The following VPS13B variants were observed in gnomAD, a reference collection of about 807,000 sequenced individuals.
The protein encoded by VPS13B is vacuolar protein sorting 13 homolog B.
In VPS13B, 285 loss-of-function variants were observed where a neutral mutation model predicts 426.4. The observed-to-expected ratio is 0.67, with a 90% CI of 0.61 to 0.74. The LOEUF (loss-of-function observed/expected upper bound fraction) is 0.74, where lower values mean the gene tolerates loss of function less well. Ranked by LOEUF, VPS13B falls within the 30% of genes least tolerant of loss-of-function variation. VPS13B has a pLI of 0.00. For missense variants in VPS13B, 4,537 were observed against 4,782.6 expected (o/e 0.95, Z 1.51); for synonymous variants, 1,676 against 1,676.4 (o/e 1.00, Z 0.01).
chr8:99,556,483 T>C lies in VPS13B; in HGVS notation c.4779T>C (p.Pro1593=), dbSNP rs764443970. Residue 1593 remains proline (P), a synonymous_variant, in exon 31 of 62, where the codon CCT becomes CCC. Coordinates refer to ENST00000357162, the MANE Select transcript of VPS13B (RefSeq NM_152564.5). ...RALNLGILRD[P]GSEIEDRQYQ... is the part of the protein sequence containing the mutation. ...TGAACTTAGGAATTCTTCGAGATCC[T>C]GGATCAGAAATCGAAGACAGACAAT... The C allele has an allele frequency of 6.8e-6, 11 of 1,612,990 alleles. No individual in the cohort carries two copies. The highest frequency in any genetic ancestry group is 5.3e-5 in the African/African-American group (4 of 74,868).
intron 16 of VPS13B, among the ~76,000 whole-genome samples, chr8:99,182,167 C>A (rs907569798): frequency 2.6e-5 from 4 of 152,122 alleles, no homozygotes; most frequent in Non-Finnish European, 5.9e-5. Context: ...AAATACCACT[C>A]ATCAATAAAA....
At position 99,466,172 on chromosome 8, in the gene VPS13B, G is replaced by GA. The variant is rs201096301; in HGVS notation, c.3446-1236dup. On this transcript the variant is annotated intron_variant, in intron 23 of 61. Coordinates refer to ENST00000357162, the MANE Select transcript of VPS13B (RefSeq NM_152564.5). ...CTGGGCACATCCATCACCCATAGGG[G>GA]AAAAAATATATATGAAGGAAATATA... Among the ~76,000 whole-genome samples the GA allele has an allele frequency of 6.2e-4, 94 of 152,022 alleles. 2 individuals carry two copies. The East Asian group carries it at 0.015, about 25-fold the overall frequency.
At chr8:99,188,949 T>C (rs1023282614) in intron 16 of VPS13B, among the ~76,000 whole-genome samples, 1 of 152,186 alleles carries the variant, frequency 6.6e-6, no homozygotes, top group African/African-American at 2.4e-5. Flanking sequence ...ATGAGAGTTA[T>C]GAATTATGAG....
At chr8:99,345,949 A>G (rs1811513500) in intron 19 of VPS13B, 1 of 152,350 alleles carries the variant, frequency 6.6e-6, no homozygotes. Context: ...ATCAGATCCA[A>G]TTCTCATGAC....
chr8:99,769,358 T>C (rs1182038754), intron 40 of VPS13B, among the ~76,000 whole-genome samples: 2 of 152,246 alleles, frequency 1.3e-5, no homozygotes, highest in Admixed American at 6.5e-5. Flanking sequence ...AAAACAGTAA[T>C]GATTTGATAA....
At chr8:99,110,294 G>T (rs1847293113) in intron 5 of VPS13B, among the ~76,000 whole-genome samples, 1 of 151,972 alleles carries the variant, frequency 6.6e-6, no homozygotes, top group Non-Finnish European at 1.5e-5. Flanking sequence ...AAGTAGATTT[G>T]GGCCTGATAT....
intron 30 of VPS13B, among the ~76,000 whole-genome samples, chr8:99,524,591 G>A (rs972641563): frequency 5.3e-5 from 8 of 152,122 alleles, no homozygotes; most frequent in East Asian, 1.9e-4. Context: ...CCGGGAGTTC[G>A]AGACCAGCAT....
At chr8:99,354,268 T>G (rs933253219) in intron 19 of VPS13B, among the ~76,000 whole-genome samples, 4 of 77,296 alleles carry the variant, frequency 5.2e-5, no homozygotes, top group African/African-American at 2.9e-4. Context: ...CCCCCTGCCT[T>G]TTTTTTTTTT....
intron 43 of VPS13B, among the ~76,000 whole-genome samples, chr8:99,791,954 GA>G (rs1812561001): frequency 6.6e-6 from 1 of 152,084 alleles, no homozygotes; most frequent in Non-Finnish European, 1.5e-5. Flanking sequence ...AGTGTGAAGA[GA>G]AAACCCTGGA....
chr8:99,165,935 A>C (rs1811977041), intron 15 of VPS13B, among the ~76,000 whole-genome samples: 1 of 152,342 alleles, frequency 6.6e-6, no homozygotes, highest in South Asian at 2.1e-4. Context: ...TCAAAATGTA[A>C]TAATTGAGTA....
chr8:99,624,081 C>A (rs2035617), intron 33 of VPS13B, among the ~76,000 whole-genome samples: 16,458 of 136,216 alleles, frequency 0.12, 1,616 homozygotes, highest in East Asian at 0.4. Context: ...ACTAACTTGC[C>A]TAGATAATTC....
chr8:99,520,389 TTGTGTGTG>T (rs140216567), intron 29 of VPS13B, among the ~76,000 whole-genome samples: 55 of 138,568 alleles, frequency 4.0e-4, no homozygotes, highest in African/African-American at 6.4e-4. Context: ...GTGATATACT[TTGTGTGTG>T]TGTGTGTGTG....
chr8:99,245,185 G>C (rs1817151033), intron 17 of VPS13B, among the ~76,000 whole-genome samples: 3 of 152,190 alleles, frequency 2.0e-5, no homozygotes, highest in Admixed American at 1.3e-4. Flanking sequence ...AATACTGTGT[G>C]ATTTTGAACA....
intron 33 of VPS13B, among the ~76,000 whole-genome samples, chr8:99,614,575 G>A (rs1194079693): frequency 6.6e-6 from 1 of 152,046 alleles, no homozygotes; most frequent in Non-Finnish European, 1.5e-5. Context: ...ACTGCGCCTG[G>A]CCTAAATTAC....
At chr8:99,271,011 T>A (rs1312743059) in intron 17 of VPS13B, among the ~76,000 whole-genome samples, 9 of 152,112 alleles carry the variant, frequency 5.9e-5, no homozygotes, top group African/African-American at 1.7e-4. Flanking sequence ...AATCCTTTTT[T>A]AAATATATAT....
intron 19 of VPS13B, among the ~76,000 whole-genome samples, chr8:99,292,991 C>A (rs1334091558): frequency 6.6e-6 from 1 of 152,048 alleles, no homozygotes; most frequent in Non-Finnish European, 1.5e-5. Context: ...TTTCAGGGAT[C>A]ATTTCTATAG....
chr8:99,483,078 A>G (rs1305348114), intron 25 of VPS13B, among the ~76,000 whole-genome samples: 1 of 152,178 alleles, frequency 6.6e-6, no homozygotes, highest in African/African-American at 2.4e-5. Flanking sequence ...GAATCAAGTA[A>G]ACGGGATGTT....
intron 19 of VPS13B, among the ~76,000 whole-genome samples, chr8:99,373,587 C>T (rs190847050): frequency 1.2e-4 from 18 of 152,292 alleles, no homozygotes; most frequent in African/African-American, 3.1e-4. Context: ...CTGTGGCTCA[C>T]GCCTATAATC....
At chr8:99,843,871 A>G (rs970665136) in intron 54 of VPS13B, among the ~76,000 whole-genome samples, 2 of 152,146 alleles carry the variant, frequency 1.3e-5, no homozygotes, top group Non-Finnish European at 2.9e-5. Context: ...TAATTTCTCA[A>G]CTCAGTAGAC....
Sources: gnomAD v4.1 joint callset for allele counts (sites outside exome capture counted in the v4.1 genomes callset) on GRCh38, gnomAD v4.1.1 for gene constraint, MANE v1.5 for transcripts, NCBI Gene and HGNC (gene_info 2026-07-23, HGNC 2026-07-21) for gene names.